The following DYNC2H1 variants were observed in gnomAD, a reference collection of about 807,000 sequenced individuals.
DYNC2H1 encodes the protein cytoplasmic dynein 2 heavy chain 1.
Under a neutral mutation model 570.0 loss-of-function variants are expected in DYNC2H1, and 410 were observed. The ratio of observed to expected loss-of-function variants is 0.72; its 90% CI spans 0.66 to 0.78. The LOEUF (loss-of-function observed/expected upper bound fraction) is 0.78. DYNC2H1 is among the 30% of genes least tolerant of loss of function. The pLI, the probability that DYNC2H1 is intolerant of heterozygous loss-of-function variation, is 0.00. For missense variants in DYNC2H1, 4,865 were observed against 5,046.4 expected (o/e 0.96, Z 1.09); for synonymous variants, 1,688 against 1,677.6 (o/e 1.01, Z -0.15).
In DYNC2H1 at chr11:103,436,016, G is replaced by A. The variant is rs781666816; in HGVS notation, c.12440G>A (p.Arg4147His). 1.8e-5 allele frequency: 29 copies of A among 1,612,182 alleles called. No individual in the cohort carries two copies. Among genetic ancestry groups the A allele is most frequent in the Middle Eastern group, 1.6e-4 (1 of 6,064 alleles). Reference protein sequence around the residue: ...PLQYLRGLVARALAIQNWVDK... With the variant: ...PLQYLRGLVAHALAIQNWVDK... ...CAATACCTGAGAGGTCTTGTTGCCC[G>A]TGCCCTTGCAATACAGGTATGCCTA... Residue 4147 changes from arginine (R) to histidine (H), a missense_variant, in exon 85 of 89, where the codon CGT becomes CAT. Arg to His is a conservative substitution (Grantham distance 29). Coordinates refer to ENST00000375735, the MANE Select transcript of DYNC2H1 (RefSeq NM_001377.3).
chr11:103,128,692 C>G (rs1859119142), intron 12 of DYNC2H1, among the ~76,000 whole-genome samples: 1 of 152,150 alleles, frequency 6.6e-6, no homozygotes, highest in African/African-American at 2.4e-5. Flanking sequence ...TATGTTTAAT[C>G]AGACCTCAGG....
chr11:103,462,119 C>A (rs1214591645), intron 87 of DYNC2H1, among the ~76,000 whole-genome samples: 1 of 152,030 alleles, frequency 6.6e-6, no homozygotes, highest in Non-Finnish European at 1.5e-5. Context: ...TGCCTTAAGT[C>A]TTTTTATATC....
intron 83 of DYNC2H1, among the ~76,000 whole-genome samples, chr11:103,391,075 A>G (rs1707970602): frequency 1.3e-5 from 2 of 152,178 alleles, no homozygotes; most frequent in South Asian, 4.1e-4. Flanking sequence ...TCTCCCTGAT[A>G]ATATCCTGCA....
rs1863068486 is a variant in DYNC2H1, at chr11:103,209,601, A to G, written c.8455-275A>G. Among the ~76,000 whole-genome samples the G allele has an allele frequency of 6.6e-6, 1 of 152,042 alleles. No individual in the cohort carries two copies. The highest frequency in any genetic ancestry group is 1.5e-5 in the Non-Finnish European group (1 of 67,924). ...TGACATTGTGATTATTTTCTAATTC[A>G]ATCCAAATTGTAATTTCCTTTACTT... On this transcript the variant is annotated intron_variant, in intron 52 of 88. Transcript: ENST00000375735. This position sits in a 1 kb window ranked among gnomAD's most constrained non-coding sequence, Gnocchi z 4.2.
At chr11:103,385,011 CTG>C (rs1238516386) in intron 83 of DYNC2H1, among the ~76,000 whole-genome samples, 2 of 152,036 alleles carry the variant, frequency 1.3e-5, no homozygotes, top group African/African-American at 4.8e-5. Flanking sequence ...AGATAGAATT[CTG>C]TCTTTTCTGG....
At chr11:103,427,224 G>GTT (rs1943705310) in intron 84 of DYNC2H1, among the ~76,000 whole-genome samples, 1 of 152,022 alleles carries the variant, frequency 6.6e-6, no homozygotes, top group Admixed American at 6.6e-5. Context: ...AGAAAACAAT[G>GTT]TACAAATAAT....
rs1166846935 is a variant in DYNC2H1, at chr11:103,192,148, C to T, written c.7592C>T (p.Ala2531Val). 2 of 1,562,876 alleles carry T rather than the reference C, an allele frequency of 1.3e-6. No homozygotes were observed. The highest frequency in any genetic ancestry group is 1.3e-5 in the African/African-American group (1 of 74,330). Residue 2531 changes from alanine to valine, a missense_variant, in exon 47 of 89, where the codon GCA becomes GTA. Around this residue, in one of 5 missense-constraint regions of DYNC2H1, gnomAD observed 2,401 missense variants for 2,454.6 expected, o/e 0.98. Coordinates refer to ENST00000375735, the MANE Select transcript of DYNC2H1 (RefSeq NM_001377.3). ...GTGTTAGAAATTGTAGCATATGAGG[C>T]ACGGCGCTTATTTCGTGACAAAATT... ...DYVLEIVAYE[A>V]RRLFRDKIVG...
chr11:103,127,754 GTATT>G (rs1337606329), intron 12 of DYNC2H1, among the ~76,000 whole-genome samples: 1 of 152,170 alleles, frequency 6.6e-6, no homozygotes, highest in African/African-American at 2.4e-5. Flanking sequence ...TGTAGGATCT[GTATT>G]TATTAATTAA....
chr11:103,186,331 T>C lies in DYNC2H1; in HGVS notation c.6723T>C (p.Tyr2241=), dbSNP rs764773100. The C allele has an allele frequency of 6.8e-6, 11 of 1,612,806 alleles. No homozygotes were observed. Among genetic ancestry groups the C allele is most frequent in the Non-Finnish European group, 9.3e-6 (11 of 1,179,210 alleles). ...YDSTRGRLAT[Y]VLKKPEDLTA... ...CTACTAGGGGTCGATTAGCAACATA[T>C]GTGCTTAAGAAGCCAGAAGACTTGA... The change falls in exon 42 of 89, where the codon TAT becomes TAC. Residue 2241 remains tyrosine, a synonymous_variant. Transcript: ENST00000375735. This position sits in a 1 kb window ranked among gnomAD's most constrained non-coding sequence, Gnocchi z 4.5.
chr11:103,152,433 A>G, intron 21 of DYNC2H1, 148 bp downstream of exon 21: 6 of 690,514 alleles, frequency 8.7e-6, no homozygotes, highest in Non-Finnish European at 1.4e-5. Flanking sequence ...ATAGTGAAAT[A>G]TATAAATGAT....
chr11:103,274,321 C>G (rs1339498250), intron 70 of DYNC2H1, among the ~76,000 whole-genome samples: 1 of 152,060 alleles, frequency 6.6e-6, no homozygotes, highest in South Asian at 2.1e-4. Flanking sequence ...GATCACACTA[C>G]TGCACCCCAG....
intron 85 of DYNC2H1, among the ~76,000 whole-genome samples, chr11:103,449,718 T>C (rs1346394151): frequency 6.6e-6 from 1 of 152,168 alleles, no homozygotes; most frequent in Non-Finnish European, 1.5e-5. Flanking sequence ...ATAATGATCT[T>C]ACTGAAAGCA....
intron 85 of DYNC2H1, among the ~76,000 whole-genome samples, chr11:103,438,298 C>G (rs1173771992): frequency 1.3e-5 from 2 of 151,940 alleles, no homozygotes; most frequent in Non-Finnish European, 2.9e-5. Flanking sequence ...ATTCAAGGGC[C>G]CGATAGATCC....
chr11:103,207,327 A>C (rs1316619836), intron 52 of DYNC2H1, among the ~76,000 whole-genome samples: 7 of 151,304 alleles, frequency 4.6e-5, no homozygotes, highest in African/African-American at 1.5e-4. Flanking sequence ...GATGCAAAAC[A>C]GGGAAAAATT....
In DYNC2H1 at chr11:103,191,519, G is replaced by C. The variant is rs1430264200; in HGVS notation, c.7440G>C (p.Val2480=). ...AGSMVQVYEQ[V]RAKFTVDDYS... is the part of the protein sequence containing the mutation. ...GTTTACTGTATTTTCTTTTTCAGGT[G>C]CGAGCCAAATTTACAGTTGATGATT... Residue 2480 remains valine (V), a splice_region_variant and synonymous_variant, in exon 46 of 89, where the codon GTG becomes GTC. Transcript: ENST00000375735. 5 of 1,599,750 alleles carry C rather than the reference G, an allele frequency of 3.1e-6. No individual in the cohort carries two copies. Among genetic ancestry groups the C allele is most frequent in the Non-Finnish European group, 4.3e-6 (5 of 1,171,934 alleles).
At chr11:103,288,102 A>G (rs890255448) in intron 75 of DYNC2H1, among the ~76,000 whole-genome samples, 8 of 151,850 alleles carry the variant, frequency 5.3e-5, no homozygotes, top group African/African-American at 1.2e-4. Flanking sequence ...TAGGTTTTAC[A>G]GTAGTGGTGT....
chr11:103,177,477 C>A lies in DYNC2H1; in HGVS notation c.5875-79C>A. 1 of 1,411,374 alleles carries A rather than the reference C, an allele frequency of 7.1e-7. No individual in the cohort carries two copies. The highest frequency in any genetic ancestry group is 9.5e-7 in the Non-Finnish European group (1 of 1,049,072). 87.4% of individuals were successfully genotyped at this position (1,411,374 alleles called of 1,614,324 possible). On this transcript the variant is annotated intron_variant, in intron 37 of 88. Coordinates refer to ENST00000375735, the MANE Select transcript of DYNC2H1 (RefSeq NM_001377.3). The surrounding 1 kb of genome is among the most constrained non-coding windows in gnomAD (Gnocchi z 4.4). ...CAAAGGCTTAATTTACACATTAGAA[C>A]AAGTGTTACAGAATAAAAGCAGAAC...
chr11:103,477,952 G>T lies in DYNC2H1; in HGVS notation c.12766-1143G>T, dbSNP rs1375546275. Among the ~76,000 whole-genome samples the T allele has an allele frequency of 4.0e-5, 6 of 151,658 alleles. No individual in the cohort carries two copies. The South Asian group carries it at 1.2e-3, about 32-fold the overall frequency. On this transcript the variant is annotated intron_variant, in intron 88 of 88. Transcript: ENST00000375735. ...AGATTAATGACTAATTTCCAGGGCAGGAAATATAAAAGATGAACTTGTATA... is the reference window on the plus strand; with the variant it reads ...AGATTAATGACTAATTTCCAGGGCATGAAATATAAAAGATGAACTTGTATA...
chr11:103,401,751 C>T (rs1320268549), intron 84 of DYNC2H1, among the ~76,000 whole-genome samples: 1 of 151,922 alleles, frequency 6.6e-6, no homozygotes, highest in African/African-American at 2.4e-5. Flanking sequence ...ACATAGCAAG[C>T]ACCCTACAAA....
Sources: gnomAD v4.1 joint callset for allele counts (sites outside exome capture counted in the v4.1 genomes callset) on GRCh38, gnomAD v4.1.1 for gene constraint, gnomAD v4.1.1 regional missense constraint, Gnocchi (gnomAD v3.1) non-coding constraint, MANE v1.5 for transcripts, NCBI Gene and HGNC (gene_info 2026-07-23, HGNC 2026-07-21) for gene names.